Variants in PDZRN4 observed in about 807,000 individuals in gnomAD.
PDZRN4 encodes the protein PDZ domain-containing RING finger protein 4.
PDZRN4 carries 70 observed loss-of-function variants against 99.0 expected under a neutral mutation model. The ratio of observed to expected loss-of-function variants is 0.71; its 90% CI spans 0.58 to 0.86. The LOEUF (loss-of-function observed/expected upper bound fraction) is 0.86. PDZRN4 is among the 40% of genes least tolerant of loss of function. The pLI is 0.00. For missense variants in PDZRN4, 1,474 were observed against 1,331.2 expected (o/e 1.11, Z -1.67); for synonymous variants, 551 against 501.6 (o/e 1.10, Z -1.32).
intron 5 of PDZRN4, among the ~76,000 whole-genome samples, chr12:41,528,693 A>C (rs1363936648): frequency 6.6e-6 from 1 of 152,226 alleles, no homozygotes; most frequent in African/African-American, 2.4e-5. Context: ...TTTGAAGATT[A>C]AACTGATTTT....
intron 3 of PDZRN4, among the ~76,000 whole-genome samples, chr12:41,265,854 T>A (rs886116344): frequency 7.4e-5 from 11 of 147,918 alleles, no homozygotes; most frequent in African/African-American, 2.4e-4. Context: ...GGAAATAGTT[T>A]ACATTGAAAA....
intron 7 of PDZRN4, among the ~76,000 whole-genome samples, chr12:41,562,796 A>G (rs889212330): frequency 6.6e-6 from 1 of 152,142 alleles, no homozygotes; most frequent in African/African-American, 2.4e-5. Flanking sequence ...CATGAAATCT[A>G]AAGTTTAGTC....
intron 3 of PDZRN4, among the ~76,000 whole-genome samples, chr12:41,484,723 C>G (rs1937741421): frequency 6.6e-6 from 1 of 152,158 alleles, no homozygotes; most frequent in African/African-American, 2.4e-5. Context: ...GTAAACTTAA[C>G]AGTGTATCTT....
At chr12:41,245,699 A>G (rs911034002) in intron 3 of PDZRN4, among the ~76,000 whole-genome samples, 2 of 152,204 alleles carry the variant, frequency 1.3e-5, no homozygotes, top group Non-Finnish European at 2.9e-5. Context: ...AAAAAAATAT[A>G]TGGCAATATA....
chr12:41,523,741 A>C (rs1035370434), intron 5 of PDZRN4, among the ~76,000 whole-genome samples: 36 of 152,166 alleles, frequency 2.4e-4, no homozygotes, highest in African/African-American at 8.2e-4. Flanking sequence ...AGAATAGCCA[A>C]AGAAGGCATC....
intron 3 of PDZRN4, among the ~76,000 whole-genome samples, chr12:41,468,218 T>C (rs1035676223): frequency 2.6e-5 from 4 of 152,182 alleles, no homozygotes; most frequent in African/African-American, 9.7e-5. Flanking sequence ...ATATGGAAAC[T>C]GAACATGAGC....
intron 3 of PDZRN4, among the ~76,000 whole-genome samples, chr12:41,312,466 G>C (rs1468651673): frequency 6.6e-6 from 1 of 152,102 alleles, no homozygotes; most frequent in African/African-American, 2.4e-5. Context: ...GTGGCCTTCT[G>C]TATTAGTCTG....
rs1939495061 is a variant in PDZRN4 at position 41,572,275 on chromosome 12, G to A, written c.1585-89G>A. 5 of 1,130,884 alleles carry A rather than the reference G, an allele frequency of 4.4e-6. 1 individual carries two copies. The South Asian group carries it at 8.1e-5, about 18-fold the overall frequency. The allele number at this position is 1,130,884 out of a possible 1,614,324, so 70.1% of individuals were successfully genotyped here. On this transcript the variant is annotated intron_variant, in intron 9 of 9. Transcript: ENST00000402685. The stretch of plus-strand genomic sequence containing the variant: ...CTGTCTAGGAGATGCAACTTTGCCA[G>A]GAAACATTGGTTTTCAAACAAGATT...
rs1951654693 is a variant in PDZRN4, at chr12:41,318,647, G to A, written c.843+124459G>A. Among the ~76,000 whole-genome samples the A allele has an allele frequency of 2.0e-5, 3 of 152,152 alleles. No homozygotes were observed. In the South Asian group the frequency reaches 6.2e-4, roughly 32 times the overall value. On this transcript the variant is annotated intron_variant, in intron 3 of 9. Coordinates refer to ENST00000402685, the MANE Select transcript of PDZRN4 (RefSeq NM_001164595.2). Reference sequence around the variant, plus strand: ...ACTTTACTTTCTGCAGTTGTATAATGAAAACAGTGGATTTATTGGTTGTGC... The same window carrying A: ...ACTTTACTTTCTGCAGTTGTATAATAAAAACAGTGGATTTATTGGTTGTGC...
intron 3 of PDZRN4, among the ~76,000 whole-genome samples, chr12:41,288,202 C>T (rs917684798): frequency 3.3e-5 from 5 of 152,112 alleles, no homozygotes; most frequent in African/African-American, 4.8e-5. Context: ...ATAAACGCAG[C>T]CTCTCCCCTG....
At chr12:41,305,082 G>T (rs1027238633) in intron 3 of PDZRN4, among the ~76,000 whole-genome samples, 12 of 152,200 alleles carry the variant, frequency 7.9e-5, no homozygotes, top group African/African-American at 2.9e-4. Flanking sequence ...GAGGTATTGG[G>T]CTCATGACAT....
At chr12:41,518,180 C>T (rs1938435692) in intron 5 of PDZRN4, among the ~76,000 whole-genome samples, 1 of 152,002 alleles carries the variant, frequency 6.6e-6, no homozygotes, top group Admixed American at 6.6e-5. Context: ...ATTGATAATA[C>T]TCTGGTTTCT....
intron 3 of PDZRN4, among the ~76,000 whole-genome samples, chr12:41,210,780 A>T (rs180934839): frequency 1.3e-5 from 2 of 152,074 alleles, no homozygotes; most frequent in East Asian, 3.9e-4. Flanking sequence ...ATTTCCTGTC[A>T]TGGATTGGTA....
chr12:41,488,995 A>T (rs1330655570), intron 3 of PDZRN4, among the ~76,000 whole-genome samples: 1 of 152,152 alleles, frequency 6.6e-6, no homozygotes, highest in Non-Finnish European at 1.5e-5. Context: ...TGGGCTGCAT[A>T]CGGCCCAGGA....
intron 3 of PDZRN4, among the ~76,000 whole-genome samples, chr12:41,243,220 A>G (rs1049713568): frequency 6.6e-6 from 1 of 152,208 alleles, no homozygotes; most frequent in African/African-American, 2.4e-5. Context: ...AAGCATAGCA[A>G]GATATAGGGA....
chr12:41,557,832 A>C (rs1016513266), intron 7 of PDZRN4, among the ~76,000 whole-genome samples: 13 of 152,222 alleles, frequency 8.5e-5, no homozygotes, highest in Admixed American at 3.3e-4. Context: ...ATAGTGATCT[A>C]TAGTAAACAA....
chr12:41,262,052 C>A (rs1003245560), intron 3 of PDZRN4, among the ~76,000 whole-genome samples: 6 of 152,160 alleles, frequency 3.9e-5, no homozygotes, highest in Non-Finnish European at 5.9e-5. Flanking sequence ...ATTGCAATTT[C>A]TCTTCCAATC....
At chr12:41,267,674 CA>C (rs5797720) in intron 3 of PDZRN4, among the ~76,000 whole-genome samples, 75,848 of 138,982 alleles carry the variant, frequency 0.55, 21,158 homozygotes, top group East Asian at 0.79. Flanking sequence ...ACTAAAAATA[CA>C]AAAAAAAAAA....
At chr12:41,430,207 C>A (rs1436416258) in intron 3 of PDZRN4, among the ~76,000 whole-genome samples, 1 of 152,180 alleles carries the variant, frequency 6.6e-6, no homozygotes, top group African/African-American at 2.4e-5. Context: ...CGGTGGCTCA[C>A]GCCTGTAATC....
Sources: allele counts gnomAD v4.1 joint callset (sites outside exome capture counted in the v4.1 genomes callset), GRCh38; gene constraint gnomAD v4.1.1; transcripts MANE v1.5; gene names NCBI Gene and HGNC (gene_info 2026-07-23, HGNC 2026-07-21).